The following TTC19 variants were observed in gnomAD, a reference collection of about 807,000 sequenced individuals.
TTC19 encodes tetratricopeptide repeat protein 19, mitochondrial.
TTC19 carries 38 observed loss-of-function variants against 49.5 expected under a neutral mutation model. The ratio of observed to expected loss-of-function variants is 0.77; its 90% CI spans 0.59 to 1.01. The LOEUF is 1.01. Among genes scored for constraint, TTC19 ranks in the 50% least tolerant of loss-of-function variants. TTC19 has a pLI of 0.00. For missense variants in TTC19, 475 were observed against 477.7 expected, an observed-to-expected ratio of 0.99 and a Z score of 0.05; for synonymous variants, 204 against 185.2, an observed-to-expected ratio of 1.10 and a Z score of -0.83.
chr17:16,013,964 T>C (rs917693005), intron 7 of TTC19, among the ~76,000 whole-genome samples: 1 of 152,160 alleles, frequency 6.6e-6, no homozygotes, highest in Admixed American at 6.5e-5. Context: ...AGTTCAGCAA[T>C]AGGGAGCAGG....
intron 7 of TTC19, among the ~76,000 whole-genome samples, chr17:16,009,617 A>T (rs1051383668): frequency 2.0e-5 from 3 of 152,090 alleles, no homozygotes; most frequent in African/African-American, 7.2e-5. Flanking sequence ...ATGATTCTTC[A>T]TCTTATTTTT....
intron 8 of TTC19, among the ~76,000 whole-genome samples, chr17:16,026,205 T>C (rs1462923775): frequency 6.6e-6 from 1 of 152,208 alleles, no homozygotes; most frequent in Non-Finnish European, 1.5e-5. Flanking sequence ...CTTCTCAAAG[T>C]TGCTCAGCCT....
downstream of TTC19, among the ~76,000 whole-genome samples, chr17:16,033,865 G>A (rs977717730): frequency 6.6e-6 from 1 of 152,034 alleles, no homozygotes; most frequent in East Asian, 2.0e-4. Context: ...GAGTGCAGTG[G>A]CGCAATCTCA....
In TTC19 at chr17:16,028,164, A is replaced by G; in HGVS notation, c.*642A>G. Reference sequence around the variant, plus strand: ...AACCATATTTATCTGGTTATATAAAACTAAAAATGGGGGTGTTTATATAAA... The same window carrying G: ...AACCATATTTATCTGGTTATATAAAGCTAAAAATGGGGGTGTTTATATAAA... On this transcript the variant is annotated 3_prime_UTR_variant, in exon 10 of 10. Coordinates refer to ENST00000261647, the MANE Select transcript of TTC19 (RefSeq NM_017775.4). The G allele has an allele frequency of 2.2e-6, 1 of 454,046 alleles. No homozygotes were observed. The highest frequency in any genetic ancestry group is 1.6e-5 in the South Asian group (1 of 64,472). 28.1% of individuals were successfully genotyped at this position (454,046 alleles called of 1,614,324 possible).
chr17:16,032,343 G>C, downstream of TTC19: 1 of 1,614,122 alleles, frequency 6.2e-7, no homozygotes, highest in Non-Finnish European at 8.5e-7. Flanking sequence ...GAGAGCAGTG[G>C]GGCAGGCTCT....
chr17:16,003,422 C>CTTATTTATTTATTTAT (rs149202647), intron 4 of TTC19, among the ~76,000 whole-genome samples: 6 of 148,594 alleles, frequency 4.0e-5, no homozygotes, highest in African/African-American at 1.5e-4. Context: ...GGCTAATTTT[C>CTTATTTATTTATTTAT]TTATTTATTT....
At chr17:16,033,270 G>C (rs893951330), downstream of TTC19, among the ~76,000 whole-genome samples, 9 of 149,992 alleles carry the variant, frequency 6.0e-5, no homozygotes, top group Non-Finnish European at 1.5e-5. Flanking sequence ...AGGAGGCGGA[G>C]GTTGCTGTGA....
In TTC19 at chr17:16,037,995, AAC is replaced by A. The variant is rs1054160057; in HGVS notation, c.248-6499_248-6498del. The stretch of plus-strand genomic sequence containing the variant: ...TAAGTCACCAGTCTTATAACCTTAA[AAC>A]ACACACACTTAAAGCCAATAAAAAT... On this transcript the variant is annotated intron_variant, in intron 2 of 2. Coordinates refer to the TTC19 transcript ENST00000470649. Among the ~76,000 whole-genome samples, 14 of 152,206 alleles carry A rather than the reference AAC, an allele frequency of 9.2e-5. 1 individual carries two copies. The highest frequency in any genetic ancestry group is 1.8e-4 in the Non-Finnish European group (12 of 68,038).
In TTC19 at chr17:16,039,306, A is replaced by G. The variant is rs1256338715; in HGVS notation, c.248-5197A>G. 8 of 872,250 alleles carry G rather than the reference A, an allele frequency of 9.2e-6. No homozygotes were observed. The South Asian group carries it at 9.2e-5, about 10-fold the overall frequency. 54.0% of individuals were successfully genotyped at this position (872,250 alleles called of 1,614,324 possible). On this transcript the variant is annotated intron_variant, in intron 2 of 2. Coordinates refer to the TTC19 transcript ENST00000470649. ...CAAAAACCTTTTTTAAGTAACGGAA[A>G]CCCTAAGAGGTGACTCTGAGCACAT...
At chr17:16,022,788 T>C (rs1193664050) in intron 7 of TTC19, among the ~76,000 whole-genome samples, 4 of 152,230 alleles carry the variant, frequency 2.6e-5, no homozygotes, top group African/African-American at 7.2e-5. Flanking sequence ...AAAAATTCTA[T>C]AGTGAATCCT....
At chr17:16,026,887 TA>T in intron 9 of TTC19, 185 bp downstream of exon 9, 1 of 703,252 alleles carries the variant, frequency 1.4e-6, no homozygotes, top group Middle Eastern at 3.8e-4. Flanking sequence ...TCAATTCACG[TA>T]ACTTCTACAG....
chr17:16,025,519 C>T (rs73981410), intron 8 of TTC19, among the ~76,000 whole-genome samples: 7,494 of 152,232 alleles, frequency 0.049, 214 homozygotes, highest in African/African-American at 0.091. Flanking sequence ...TTATGAGGAA[C>T]GGTTTAATAC....
intron 7 of TTC19, among the ~76,000 whole-genome samples, chr17:16,021,375 G>A (rs1467150737): frequency 6.6e-6 from 1 of 152,186 alleles, no homozygotes; most frequent in African/African-American, 2.4e-5. Flanking sequence ...GCGACAGAGT[G>A]AGACTTCGTC....
At position 16,028,795 on chromosome 17, in the gene TTC19, A is replaced by G; in HGVS notation, c.*1273A>G. The G allele has an allele frequency of 2.7e-6, 1 of 374,536 alleles. No individual in the cohort carries two copies. The highest frequency in any genetic ancestry group is 1.9e-5 in the South Asian group (1 of 52,144). The allele number at this position is 374,536 out of a possible 1,614,324, so 23.2% of individuals were successfully genotyped here. A position where few individuals can be genotyped will look rare whatever the true frequency, so the allele number is the denominator to read the frequency against. On this transcript the variant is annotated 3_prime_UTR_variant, in exon 10 of 10. Coordinates refer to ENST00000261647, the MANE Select transcript of TTC19 (RefSeq NM_017775.4). ...GAGACTACACAACAATATTGTATGT[A>G]TCCCAGTAATCTTTGCATTTCTCAA...
intron 8 of TTC19, among the ~76,000 whole-genome samples, chr17:16,026,002 GT>G (rs1257977114): frequency 6.6e-6 from 1 of 152,144 alleles, no homozygotes; most frequent in East Asian, 1.9e-4. Context: ...CATGGCATCA[GT>G]GGGGAAGTAG....
intron 7 of TTC19, among the ~76,000 whole-genome samples, chr17:16,017,589 G>A (rs1206058225): frequency 2.6e-5 from 4 of 151,164 alleles, no homozygotes; most frequent in Non-Finnish European, 4.4e-5. Flanking sequence ...GTGAAACCCC[G>A]TCTCTACTAA....
intron 2 of TTC19, chr17:16,039,239 C>T (rs1464231573): frequency 1.9e-5 from 11 of 592,944 alleles, no homozygotes; most frequent in African/African-American, 3.7e-5. Context: ...AAATTTTCTT[C>T]CATTTTATTT....
intron 7 of TTC19, among the ~76,000 whole-genome samples, chr17:16,021,994 G>A (rs751670456): frequency 6.6e-6 from 1 of 152,160 alleles, no homozygotes; most frequent in Non-Finnish European, 1.5e-5. Flanking sequence ...GGCCATTCAA[G>A]GCTCCTTGTT....
At chr17:16,020,861 G>A (rs989356471) in intron 7 of TTC19, among the ~76,000 whole-genome samples, 1 of 152,014 alleles carries the variant, frequency 6.6e-6, no homozygotes, top group African/African-American at 2.4e-5. Context: ...GGGGGGTGGT[G>A]GGGGAGAGTA....
Sources: allele counts gnomAD v4.1 joint callset (sites outside exome capture counted in the v4.1 genomes callset), GRCh38; gene constraint gnomAD v4.1.1; transcripts MANE v1.5; gene names NCBI Gene and HGNC (gene_info 2026-07-23, HGNC 2026-07-21).